ZNF398: variants seen among roughly 807,000 people sequenced by gnomAD.
ZNF398 encodes the protein zinc finger DNA binding protein ZER6.
Under a neutral mutation model 41.9 loss-of-function variants are expected in ZNF398, and 18 were observed. That is an observed-to-expected ratio of 0.43 (90% CI 0.30 to 0.64). The LOEUF (loss-of-function observed/expected upper bound fraction) is 0.64, where lower values mean the gene tolerates loss of function less well. Ranked by LOEUF, ZNF398 falls within the 30% of genes least tolerant of loss-of-function variation. ZNF398 has a pLI of 0.14. For synonymous variants in ZNF398, 260 were observed against 308.8 expected (o/e 0.84, Z 1.66); for missense variants, 669 against 822.8 (o/e 0.81, Z 2.29).
intron 2 of ZNF398, among the ~76,000 whole-genome samples, chr7:149,160,633 A>G (rs1355596375): frequency 6.6e-6 from 1 of 152,206 alleles, no homozygotes; most frequent in African/African-American, 2.4e-5. Flanking sequence ...TTGGGGCAGA[A>G]ACCATATTTT....
chr7:149,177,113 A>G (rs1585542948), intron 5 of ZNF398, among the ~76,000 whole-genome samples: 1 of 150,490 alleles, frequency 6.6e-6, no homozygotes, highest in Admixed American at 6.6e-5. Context: ...AGCTTAATGC[A>G]TTCTGTTTTT....
intron 2 of ZNF398, among the ~76,000 whole-genome samples, chr7:149,136,858 G>A (rs1031706951): frequency 1.1e-4 from 16 of 149,350 alleles, no homozygotes; most frequent in African/African-American, 3.2e-4. Flanking sequence ...GTGAGCCACC[G>A]CGCTGGGCCT....
At position 149,179,878 on chromosome 7, in the gene ZNF398, A is replaced by T. The variant is rs150080417; in HGVS notation, c.*77A>T. On this transcript the variant is annotated 3_prime_UTR_variant, in exon 6 of 6. Coordinates refer to ENST00000475153, the MANE Select transcript of ZNF398 (RefSeq NM_170686.3). This position sits in a 1 kb window ranked among gnomAD's most constrained non-coding sequence, Gnocchi z 6.1. ...ATCCAAGAGAAGGTCTGTGAGCCCC[A>T]TCCAACACCCACAGTAATTATTATC... 2.7e-4 allele frequency: 348 copies of T among 1,303,606 alleles called. 2 individuals carry two copies. In the East Asian group the frequency reaches 8.0e-3, roughly 30 times the overall value. The allele number at this position is 1,303,606 out of a possible 1,614,324, so 80.8% of individuals were successfully genotyped here. A position where few individuals can be genotyped will look rare whatever the true frequency, so the allele number is the denominator to read the frequency against.
rs1213478498 is a variant in ZNF398, at chr7:149,182,677, G to C, written c.*2876G>C. ...GCACCATTCCCTTAGAGTGGATCCAGGTGTTGACTATAACCAGATTTACTC... is the reference window on the plus strand; with the variant it reads ...GCACCATTCCCTTAGAGTGGATCCACGTGTTGACTATAACCAGATTTACTC... On this transcript the variant is annotated 3_prime_UTR_variant, in exon 6 of 6. Coordinates refer to ENST00000475153, the MANE Select transcript of ZNF398 (RefSeq NM_170686.3). 1.3e-5 allele frequency: 2 copies of C among 152,214 alleles called. No homozygotes were observed. Among genetic ancestry groups the C allele is most frequent in the African/African-American group, 2.4e-5 (1 of 41,446 alleles). The allele number at this position is 152,214 out of a possible 1,614,324, so 9.4% of individuals were successfully genotyped here.
chr7:149,178,582 G>A, intron 5 of ZNF398, 66 bp from the exon 6 acceptor site: 1 of 1,352,608 alleles, frequency 7.4e-7, no homozygotes, highest in Middle Eastern at 2.2e-4. Flanking sequence ...GAGCTGGGTA[G>A]GAATGCATGA....
At chr7:149,178,569 T>G in intron 5 of ZNF398, 79 bp from the exon 6 acceptor site, 1 of 1,234,692 alleles carries the variant, frequency 8.1e-7, no homozygotes, top group Non-Finnish European at 1.1e-6. Flanking sequence ...GAGTGATCTG[T>G]TAGAGCTGGG....
intron 1 of ZNF398, among the ~76,000 whole-genome samples, chr7:149,150,952 C>T (rs1827095543): frequency 1.3e-5 from 2 of 152,160 alleles, no homozygotes; most frequent in African/African-American, 4.8e-5. Flanking sequence ...TCAGGTGATC[C>T]ACCTGTCTCA....
chr7:149,127,548 C>CAAAAAAAAA (rs61080328), intron 1 of ZNF398, among the ~76,000 whole-genome samples: 68 of 74,804 alleles, frequency 9.1e-4, no homozygotes, highest in African/African-American at 1.0e-3. Context: ...ACTAAAAATA[C>CAAAAAAAAA]AAAAAAAAAA....
intron 1 of ZNF398, among the ~76,000 whole-genome samples, chr7:149,149,514 C>G (rs1456966723): frequency 6.6e-6 from 1 of 152,066 alleles, no homozygotes; most frequent in African/African-American, 2.4e-5. Flanking sequence ...CAGGCGTGAG[C>G]CACCGCGCCC....
At chr7:149,145,378 C>T (rs1034258159), upstream of ZNF398, among the ~76,000 whole-genome samples, 1 of 152,132 alleles carries the variant, frequency 6.6e-6, no homozygotes, top group Non-Finnish European at 1.5e-5. Context: ...GGCTGCACTT[C>T]GGCCTACTTC....
At chr7:149,140,055 G>T (rs1290926792) in intron 2 of ZNF398, among the ~76,000 whole-genome samples, 1 of 151,970 alleles carries the variant, frequency 6.6e-6, no homozygotes, top group East Asian at 1.9e-4. Flanking sequence ...AAAATCTGAT[G>T]ATGTGCTTTA....
At chr7:149,152,780 G>T (rs763031878) in intron 1 of ZNF398, among the ~76,000 whole-genome samples, 1 of 151,494 alleles carries the variant, frequency 6.6e-6, no homozygotes, top group African/African-American at 2.4e-5. Context: ...GGTCAGGCAG[G>T]TCTCGAACTC....
chr7:149,148,775 G>T (rs1353132533), intron 1 of ZNF398, among the ~76,000 whole-genome samples: 1 of 151,622 alleles, frequency 6.6e-6, no homozygotes, highest in African/African-American at 2.4e-5. Flanking sequence ...GCCGCATGCG[G>T]ACTAGGACTG....
intron 4 of ZNF398, among the ~76,000 whole-genome samples, chr7:149,170,597 T>C (rs1180134886): frequency 6.6e-6 from 1 of 151,950 alleles, no homozygotes; most frequent in Admixed American, 6.6e-5. Flanking sequence ...TAGCCAGCCA[T>C]GGTGGTGGGC....
intron 4 of ZNF398, among the ~76,000 whole-genome samples, chr7:149,175,746 G>A (rs1472229148): frequency 6.6e-6 from 1 of 152,110 alleles, no homozygotes; most frequent in African/African-American, 2.4e-5. Flanking sequence ...GTGCAATGGT[G>A]CGATCTCGGC....
In ZNF398 at chr7:149,148,463, C is replaced by T. The variant is rs190180304; in HGVS notation, c.24+697C>T. ...GTCAGGCCGCGGGGAAAGCACTGAT[C>T]GCATTTGCCACCCAAGAGGTCTTTG... is the stretch of plus-strand genomic sequence containing the variant. On this transcript the variant is annotated intron_variant, in intron 1 of 5. Coordinates refer to ENST00000475153, the MANE Select transcript of ZNF398 (RefSeq NM_170686.3). 3.1e-5 allele frequency: 31 copies of T among 985,514 alleles called. No individual in the cohort carries two copies. The African/African-American group carries it at 4.9e-4, about 16-fold the overall frequency. 61.0% of individuals were successfully genotyped at this position (985,514 alleles called of 1,614,324 possible).
chr7:149,148,600 G>A (rs1310053502), intron 1 of ZNF398: 24 of 471,888 alleles, frequency 5.1e-5, no homozygotes, highest in Non-Finnish European at 6.1e-5. Context: ...AGAGGGAAGT[G>A]CCACCTCCAC....
chr7:149,152,821 C>G (rs1435594282), intron 1 of ZNF398, among the ~76,000 whole-genome samples: 1 of 150,358 alleles, frequency 6.7e-6, no homozygotes, highest in East Asian at 2.0e-4. Context: ...TCTCAAAGTA[C>G]TGGGATTACA....
chr7:149,126,468 G>C, exon 1 of ZNF398: 2 of 578,116 alleles, frequency 3.5e-6, no homozygotes, highest in Non-Finnish European at 5.8e-6. Context: ...GCAGCACGCC[G>C]GTCTTTGAGG....
Sources: gnomAD v4.1 joint callset for allele counts (sites outside exome capture counted in the v4.1 genomes callset) on GRCh38, gnomAD v4.1.1 for gene constraint, Gnocchi (gnomAD v3.1) non-coding constraint, MANE v1.5 for transcripts, NCBI Gene and HGNC (gene_info 2026-07-23, HGNC 2026-07-21) for gene names.